The following SMC3 variants were observed in gnomAD, a reference collection of about 807,000 sequenced individuals.
SMC3 encodes structural maintenance of chromosomes 3.
In SMC3, 20 loss-of-function variants were observed where a neutral mutation model predicts 171.8. That is an observed-to-expected ratio of 0.12 (90% CI 0.08 to 0.17). The LOEUF is 0.17. SMC3 is among the 10% of genes least tolerant of loss of function. The pLI, the probability that SMC3 is intolerant of heterozygous loss-of-function variation, is 1.00. For missense variants in SMC3, 543 were observed against 1,420.4 expected (o/e 0.38, Z 9.93); for synonymous variants, 464 against 451.1 (o/e 1.03, Z -0.36).
At chr10:110,590,345 C>A in intron 15 of SMC3, 67 bp from the exon 16 acceptor site, 3 of 1,327,770 alleles carry the variant, frequency 2.3e-6, no homozygotes, top group Non-Finnish European at 3.3e-6. Flanking sequence ...GTGTTGTGGG[C>A]TCATTCCTTA....
chr10:110,570,358 A>C (rs1249073188), intron 2 of SMC3, among the ~76,000 whole-genome samples: 1 of 152,248 alleles, frequency 6.6e-6, no homozygotes, highest in African/African-American at 2.4e-5. Context: ...ATAAAATGAT[A>C]AAATTGAAGG....
At chr10:110,596,867 T>G (rs924078751) in intron 19 of SMC3, among the ~76,000 whole-genome samples, 1 of 151,962 alleles carries the variant, frequency 6.6e-6, no homozygotes, top group African/African-American at 2.4e-5. Context: ...TGGTAGTTTT[T>G]TTTTTTTTCC....
chr10:110,577,424 G>A lies in SMC3; in HGVS notation c.202G>A (p.Gly68Ser). 1 of 1,610,562 alleles carries A rather than the reference G, an allele frequency of 6.2e-7. No individual in the cohort carries two copies. The highest frequency in any genetic ancestry group is 2.2e-5 in the East Asian group (1 of 44,720). The change falls in exon 5 of 29, where the codon GGT becomes AGT. Residue 68 changes from glycine (G) to serine (S), a missense_variant. Physicochemically the swap from Gly to Ser is moderately conservative, Grantham distance 56. Around this residue, in one of 8 missense-constraint regions of SMC3, gnomAD observed 146 missense variants for 437.9 expected, o/e 0.33. Transcript: ENST00000361804. Reference protein sequence around the residue: ...PEQRLALLHEGTGPRVISAFV... With the variant: ...PEQRLALLHESTGPRVISAFV... ...TTCTCACTTCTTTCATTTTTAGGAA[G>A]GTACTGGTCCTCGTGTTATTTCTGC...
At position 110,602,001 on chromosome 10, in the gene SMC3, A is replaced by G. The variant is rs776323402; in HGVS notation, c.2928A>G (p.Leu976=). 3 of 1,613,566 alleles carry G rather than the reference A, an allele frequency of 1.9e-6. No individual in the cohort carries two copies. Among genetic ancestry groups the G allele is most frequent in the Admixed American group, 3.3e-5 (2 of 60,008 alleles). The stretch of plus-strand genomic sequence containing the variant: ...AACTTGAGCAGTGCAACACAGAATT[A>G]AAGAAGTACAGCCATGTTAACAAAA... ...FRKLEQCNTE[L]KKYSHVNKKA... Residue 976 remains leucine (L), a synonymous_variant, in exon 25 of 29, where the codon TTA becomes TTG. Coordinates refer to ENST00000361804, the MANE Select transcript of SMC3 (RefSeq NM_005445.4).
intron 27 of SMC3, 69 bp from the exon 28 acceptor site, chr10:110,603,115 G>A: frequency 1.2e-5 from 18 of 1,523,206 alleles, no homozygotes; most frequent in Non-Finnish European, 1.6e-5. Context: ...TAAGAGTAAA[G>A]ATAGTTGCTT....
At chr10:110,571,246 G>C (rs999021379) in intron 2 of SMC3, among the ~76,000 whole-genome samples, 2 of 152,144 alleles carry the variant, frequency 1.3e-5, no homozygotes, top group African/African-American at 4.8e-5. Context: ...TGGTTTCCTA[G>C]AAAACAGCAC....
At chr10:110,590,376 A>G (rs776158720) in intron 15 of SMC3, 36 bp from the exon 16 acceptor site, 16 of 1,569,920 alleles carry the variant, frequency 1.0e-5, no homozygotes, top group South Asian at 2.2e-5. Context: ...CATTGATGAT[A>G]TTATTTTAAT....
rs1370266159 is a variant in SMC3, at chr10:110,584,090, G to A, written c.1092-93G>A. The stretch of plus-strand genomic sequence containing the variant: ...TCTTTTTGTATCTTTTTGAAAAATG[G>A]CTTTATGTTTCTGTGTGCAGTTGAC... On this transcript the variant is annotated intron_variant, in intron 12 of 28. Coordinates refer to ENST00000361804, the MANE Select transcript of SMC3 (RefSeq NM_005445.4). 9.9e-6 allele frequency: 15 copies of A among 1,518,642 alleles called. 1 individual carries two copies. The Admixed American group carries it at 2.2e-4, about 22-fold the overall frequency. The allele number at this position is 1,518,642 out of a possible 1,614,324, so 94.1% of individuals were successfully genotyped here.
rs1259426787 is a variant in SMC3, at chr10:110,573,717, T to C, written c.102T>C (p.Asn34=). The change falls in exon 3 of 29, where the codon AAT becomes AAC. Residue 34 remains asparagine (N), a synonymous_variant. Transcript: ENST00000361804. The part of the protein sequence containing the change: ...SSKHNVIVGR[N]GSGKSNFFYA... ...TTTGAAATTTTCCAGTGGGCAGAAATGGATCTGGAAAAAGTAACTTTTTTT... is the reference window on the plus strand; with the variant it reads ...TTTGAAATTTTCCAGTGGGCAGAAACGGATCTGGAAAAAGTAACTTTTTTT... 6.2e-7 allele frequency: 1 copy of C among 1,600,482 alleles called. No homozygotes were observed.
In SMC3 at chr10:110,596,385, GTT is replaced by G. The variant is rs1564794197; in HGVS notation, c.1964-10_1964-9del. On this transcript the variant is annotated splice_polypyrimidine_tract_variant and intron_variant, in intron 18 of 28. Coordinates refer to ENST00000361804, the MANE Select transcript of SMC3 (RefSeq NM_005445.4). ...AAAGTTGTACAGACCTATTACATAT[GTT>G]TTGTTTATAGGTGACCAAGTCAGCC... The G allele has an allele frequency of 6.2e-7, 1 of 1,611,640 alleles. No homozygotes were observed. The highest frequency in any genetic ancestry group is 2.2e-5 in the East Asian group (1 of 44,824).
At chr10:110,575,497 G>C (rs1402364533) in intron 4 of SMC3, 94 bp downstream of exon 4, 1 of 899,296 alleles carries the variant, frequency 1.1e-6, no homozygotes, top group Non-Finnish European at 1.8e-6. Context: ...TCAAGTTTCA[G>C]ATTCTTTGTG....
intron 18 of SMC3, among the ~76,000 whole-genome samples, chr10:110,595,408 C>G (rs1861283703): frequency 6.6e-6 from 1 of 152,170 alleles, no homozygotes; most frequent in African/African-American, 2.4e-5. Context: ...GGCATGAATG[C>G]TACATGAATG....
intron 8 of SMC3, 119 bp from the exon 9 acceptor site, chr10:110,581,804 C>A: frequency 2.0e-6 from 2 of 989,660 alleles, no homozygotes; most frequent in Non-Finnish European, 3.1e-6. Context: ...GTTACCACAT[C>A]ACATCAAAGA....
At chr10:110,580,465 C>T (rs904433182) in intron 7 of SMC3, among the ~76,000 whole-genome samples, 5 of 152,050 alleles carry the variant, frequency 3.3e-5, no homozygotes, top group African/African-American at 1.2e-4. Context: ...GAGTTATGAC[C>T]GTAACAGTTG....
chr10:110,575,780 G>T (rs1289063543), intron 4 of SMC3, among the ~76,000 whole-genome samples: 1 of 152,172 alleles, frequency 6.6e-6, no homozygotes. Context: ...TATAGGATTT[G>T]CCTATAGGTG....
intron 4 of SMC3, 27 bp downstream of exon 4, chr10:110,575,430 T>G: frequency 6.6e-7 from 1 of 1,509,862 alleles, no homozygotes; most frequent in Non-Finnish European, 9.2e-7. Context: ...TAAGACATTA[T>G]TGATATTACA....
chr10:110,577,231 T>C (rs527501312), intron 4 of SMC3, among the ~76,000 whole-genome samples, 190 bp from the exon 5 acceptor site: 1 of 152,224 alleles, frequency 6.6e-6, no homozygotes, highest in Admixed American at 6.5e-5. Flanking sequence ...TCTGGGGATA[T>C]CCCCAAAGTA....
intron 17 of SMC3, among the ~76,000 whole-genome samples, chr10:110,592,262 T>G (rs1306209233): frequency 5.8e-5 from 2 of 34,754 alleles, no homozygotes; most frequent in Admixed American, 3.4e-4. Flanking sequence ...AGACTCCATC[T>G]CAAAAAAAAA....
At chr10:110,596,862 G>GTT (rs202036279) in intron 19 of SMC3, among the ~76,000 whole-genome samples, 4 of 145,654 alleles carry the variant, frequency 2.7e-5, no homozygotes, top group African/African-American at 5.0e-5. Flanking sequence ...AACCTTGGTA[G>GTT]TTTTTTTTTT....
Sources: gnomAD v4.1 joint callset for allele counts (sites outside exome capture counted in the v4.1 genomes callset) on GRCh38, gnomAD v4.1.1 for gene constraint, gnomAD v4.1.1 regional missense constraint, MANE v1.5 for transcripts, NCBI Gene and HGNC (gene_info 2026-07-23, HGNC 2026-07-21) for gene names.